The following PUS7 variants were observed in gnomAD, a reference collection of about 807,000 sequenced individuals.
PUS7 encodes the protein pseudouridine synthase 7.
A neutral mutation model predicts 79.8 loss-of-function variants in PUS7; 48 were observed. The observed-to-expected ratio is 0.60, with a 90% CI of 0.48 to 0.76. PUS7 has a LOEUF of 0.76. Ranked by LOEUF, PUS7 falls within the 30% of genes least tolerant of loss-of-function variation. PUS7 has a pLI of 0.00. For missense variants in PUS7, 729 were observed against 797.6 expected (o/e 0.91, Z 1.04); for synonymous variants, 286 against 272.2 (o/e 1.05, Z -0.50).
chr7:105,521,807 G>A (rs1826127455), intron 1 of PUS7, among the ~76,000 whole-genome samples: 1 of 150,262 alleles, frequency 6.7e-6, no homozygotes, highest in South Asian at 2.2e-4. Context: ...GGGCAGAGCG[G>A]AGCGGGGAGC....
intron 1 of PUS7, among the ~76,000 whole-genome samples, chr7:105,509,901 G>A (rs977654048): frequency 2.0e-5 from 3 of 152,216 alleles, no homozygotes; most frequent in African/African-American, 7.2e-5. Flanking sequence ...GGGTCTAGAA[G>A]TGGTGGCTGG....
At chr7:105,507,441 T>C (rs538399056) in intron 2 of PUS7, among the ~76,000 whole-genome samples, 28 of 152,334 alleles carry the variant, frequency 1.8e-4, no homozygotes, top group African/African-American at 6.3e-4. Context: ...CTCCAAAGAC[T>C]ACCTTCTTCT....
intron 5 of PUS7, among the ~76,000 whole-genome samples, chr7:105,501,864 AG>A (rs1334559696): frequency 6.6e-6 from 1 of 151,850 alleles, no homozygotes; most frequent in Non-Finnish European, 1.5e-5. Flanking sequence ...CTGAGGCAGA[AG>A]AATGGCATGA....
In PUS7 at chr7:105,472,237, T is replaced by TA. The variant is rs573692293; in HGVS notation, c.1176-45dup. On this transcript the variant is annotated intron_variant, in intron 9 of 15. Transcript: ENST00000469408. ...TATTTTACTAAATTTTGCATAAAGATAAAACTTTATATGCACAAATCTTTG... is the reference window on the plus strand; with the variant it reads ...TATTTTACTAAATTTTGCATAAAGATAAAAACTTTATATGCACAAATCTTTG... 3.6e-4 allele frequency: 422 copies of TA among 1,167,372 alleles called. No homozygotes were observed. In the African/African-American group the frequency reaches 5.2e-3, roughly 14 times the overall value. The allele number at this position is 1,167,372 out of a possible 1,614,324, so 72.3% of individuals were successfully genotyped here. A position where few individuals can be genotyped will look rare whatever the true frequency, so the allele number is the denominator to read the frequency against.
chr7:105,513,280 A>G (rs1825766403), intron 1 of PUS7, among the ~76,000 whole-genome samples: 2 of 152,184 alleles, frequency 1.3e-5, no homozygotes, highest in South Asian at 4.1e-4. Flanking sequence ...AGTGGCCAAT[A>G]ACGGCCATTC....
At chr7:105,501,736 A>G (rs1825256512) in intron 5 of PUS7, among the ~76,000 whole-genome samples, 1 of 151,966 alleles carries the variant, frequency 6.6e-6, no homozygotes, top group Non-Finnish European at 1.5e-5. Context: ...CGGGTGGATC[A>G]CGAGGTCAGG....
chr7:105,508,193 T>C lies in PUS7; in HGVS notation c.320A>G (p.His107Arg), dbSNP rs776985061. The C allele has an allele frequency of 6.8e-6, 11 of 1,614,078 alleles. No homozygotes were observed. Among genetic ancestry groups the C allele is most frequent in the Admixed American group, 3.3e-5 (2 of 59,994 alleles). The part of the protein sequence containing the change: ...ESESFADMMK[H>R]GLTEADVGIT... ...GCCTACGTCAGCCTCAGTGAGTCCA[T>C]GCTTCATCATGTCTGCAAAACTCTC... The change falls in exon 2 of 16, where the codon CAT (histidine) becomes CGT (arginine). Residue 107 changes from histidine (H) to arginine (R), a missense_variant. Coordinates refer to ENST00000469408, the MANE Select transcript of PUS7 (RefSeq NM_019042.5).
chr7:105,478,717 T>C lies in PUS7; in HGVS notation c.1175+2335A>G, dbSNP rs187014129. Among the ~76,000 whole-genome samples, 53 of 152,386 alleles carry C rather than the reference T, an allele frequency of 3.5e-4. 1 individual carries two copies. The East Asian group carries it at 5.2e-3, about 15-fold the overall frequency. ...TTTGGATACAAGTCATTTCTCCACC[T>C]ATACAATATAAACTGAAAGTCTGTT... On this transcript the variant is annotated intron_variant, in intron 9 of 15. Transcript: ENST00000469408.
In PUS7 at chr7:105,517,349, C is replaced by T. The variant is rs818480; in HGVS notation, c.-33+4703G>A. Among the ~76,000 whole-genome samples, 97 of 151,880 alleles carry T rather than the reference C, an allele frequency of 6.4e-4. 1 individual carries two copies. The highest frequency in any genetic ancestry group is 1.8e-4 in the Non-Finnish European group (12 of 67,954). ...CTAATTTTTGTATTTTTAGTAGAGA[C>T]GGGTTTTCACCATGTTGGCCAGGCT... On this transcript the variant is annotated intron_variant, in intron 1 of 15. Coordinates refer to ENST00000469408, the MANE Select transcript of PUS7 (RefSeq NM_019042.5).
intron 14 of PUS7, among the ~76,000 whole-genome samples, chr7:105,460,577 G>A (rs886314174): frequency 1.3e-4 from 20 of 152,118 alleles, no homozygotes; most frequent in Non-Finnish European, 5.9e-5. Context: ...TTTTGAGGCC[G>A]GGCGCGGTGG....
At position 105,522,222 on chromosome 7, in the gene PUS7, G is replaced by C. The variant is rs570891552; in HGVS notation, c.-203C>G. 1.9e-3 allele frequency: 293 copies of C among 151,932 alleles called. No individual in the cohort carries two copies. The highest frequency in any genetic ancestry group is 6.8e-3 in the African/African-American group (281 of 41,516). The allele number at this position is 151,932 out of a possible 1,614,324, so 9.4% of individuals were successfully genotyped here. A position where few individuals can be genotyped will look rare whatever the true frequency, so the allele number is the denominator to read the frequency against. ...CCAGATGCGCTCCAGCCGACTCACC[G>C]GCGGCCGGGCTCGCACACGTGCGGC... On this transcript the variant is annotated 5_prime_UTR_variant, in exon 1 of 16. Transcript: ENST00000469408.
intron 1 of PUS7, among the ~76,000 whole-genome samples, chr7:105,512,551 G>A (rs1393912147): frequency 6.6e-6 from 1 of 152,196 alleles, no homozygotes; most frequent in Non-Finnish European, 1.5e-5. Context: ...GGGGTCACAG[G>A]TACAGCATGT....
At chr7:105,507,133 C>A (rs1352738656) in intron 2 of PUS7, among the ~76,000 whole-genome samples, 1 of 151,924 alleles carries the variant, frequency 6.6e-6, no homozygotes, top group Non-Finnish European at 1.5e-5. Context: ...GCAACCTCCG[C>A]CTCCTGGGTT....
At chr7:105,478,959 G>T (rs77519777) in intron 9 of PUS7, among the ~76,000 whole-genome samples, 3,446 of 152,100 alleles carry the variant, frequency 0.023, 132 homozygotes, top group African/African-American at 0.078. Context: ...GGATTCCATG[G>T]CTGTCCTTCT....
intron 9 of PUS7, among the ~76,000 whole-genome samples, chr7:105,477,618 T>C (rs1824165887): frequency 1.3e-5 from 2 of 152,110 alleles, no homozygotes; most frequent in African/African-American, 4.8e-5. Flanking sequence ...AATTCACCCA[T>C]GTAAGTGTAC....
intron 7 of PUS7, among the ~76,000 whole-genome samples, chr7:105,487,605 T>C (rs1824603839): frequency 6.6e-6 from 1 of 152,168 alleles, no homozygotes; most frequent in South Asian, 2.1e-4. Flanking sequence ...ACAGTTTTAA[T>C]TATGATGATC....
Position 105,508,404 on chromosome 7 carries a change from C to T in PUS7, c.109G>A (p.Glu37Lys), listed in dbSNP as rs781651483. The change falls in exon 2 of 16, where the codon GAA (glutamate) becomes AAA (lysine). Residue 37 changes from glutamate to lysine, a missense_variant. By Grantham distance (56) the Glu-to-Lys change is moderately conservative. Transcript: ENST00000469408. Reference sequence around the variant, plus strand: ...TCTTGACCTTTGGTTAGACTGCATTCCGACAGCTTCTGTTTTTTTGTCTCT... The same window carrying T: ...TCTTGACCTTTGGTTAGACTGCATTTCGACAGCTTCTGTTTTTTTGTCTCT... The part of the protein sequence containing the change: ...VEETKKQKLS[E>K]CSLTKGQDGL... 5 of 1,614,132 alleles carry T rather than the reference C, an allele frequency of 3.1e-6. No individual in the cohort carries two copies. The highest frequency in any genetic ancestry group is 3.4e-6 in the Non-Finnish European group (4 of 1,180,022).
intron 14 of PUS7, among the ~76,000 whole-genome samples, chr7:105,459,473 T>C (rs2133022129): frequency 6.6e-6 from 1 of 151,734 alleles, no homozygotes; most frequent in Middle Eastern, 3.4e-3. Context: ...GTCTCAACTC[T>C]GTCACCTAGG....
intron 9 of PUS7, among the ~76,000 whole-genome samples, chr7:105,474,594 C>T (rs1013337378): frequency 7.1e-6 from 1 of 140,082 alleles, no homozygotes; most frequent in Admixed American, 7.8e-5. Flanking sequence ...TGGTGAAACC[C>T]CATCTCTACT....
Sources: allele counts gnomAD v4.1 joint callset (sites outside exome capture counted in the v4.1 genomes callset), GRCh38; gene constraint gnomAD v4.1.1; transcripts MANE v1.5; gene names NCBI Gene and HGNC (gene_info 2026-07-23, HGNC 2026-07-21).